The following ROR1 variants were observed in gnomAD, a reference collection of about 807,000 sequenced individuals.
ROR1 encodes inactive tyrosine-protein kinase transmembrane receptor ROR1.
ROR1 carries 19 observed loss-of-function variants against 78.8 expected under a neutral mutation model. The observed-to-expected ratio is 0.24, with a 90% CI of 0.17 to 0.35. The LOEUF (loss-of-function observed/expected upper bound fraction) is 0.35, where lower values mean the gene tolerates loss of function less well. Among genes scored for constraint, ROR1 ranks in the 10% least tolerant of loss-of-function variants. ROR1 has a pLI of 1.00. For synonymous variants in ROR1, 386 were observed against 433.6 expected, an observed-to-expected ratio of 0.89 and a Z score of 1.36; for missense variants, 917 against 1,177.8, an observed-to-expected ratio of 0.78 and a Z score of 3.24.
At chr1:63,839,156 T>G (rs779400401) in intron 1 of ROR1, among the ~76,000 whole-genome samples, 4 of 152,208 alleles carry the variant, frequency 2.6e-5, no homozygotes, top group Non-Finnish European at 5.9e-5. Flanking sequence ...TTGTACCCTC[T>G]GTTTAGGGCT....
chr1:63,845,157 G>T (rs1391141731), intron 1 of ROR1, among the ~76,000 whole-genome samples: 2 of 151,958 alleles, frequency 1.3e-5, no homozygotes, highest in Non-Finnish European at 2.9e-5. Context: ...AATTAAGAAG[G>T]GCTTCTACAT....
At chr1:64,157,996 G>A (rs894133720) in intron 7 of ROR1, among the ~76,000 whole-genome samples, 1 of 152,100 alleles carries the variant, frequency 6.6e-6, no homozygotes, top group African/African-American at 2.4e-5. Context: ...TTCGTTATCA[G>A]GGCATGTCAT....
chr1:63,794,573 G>C (rs564575851), intron 1 of ROR1, among the ~76,000 whole-genome samples: 1 of 152,340 alleles, frequency 6.6e-6, no homozygotes, highest in East Asian at 1.9e-4. Context: ...CTCAGGACCT[G>C]TTATCAGAGG....
At position 64,177,469 on chromosome 1, in the gene ROR1, G is replaced by A. The variant is rs949069788; in HGVS notation, c.1428G>A (p.Met476Ile). 2 of 1,614,020 alleles carry A rather than the reference G, an allele frequency of 1.2e-6. No individual in the cohort carries two copies. The highest frequency in any genetic ancestry group is 1.7e-6 in the Non-Finnish European group (2 of 1,180,044). ...KELPLSAVRF[M>I]EELGECAFGK... ...TACCTCTTTCTGCTGTACGCTTTAT[G>A]GAAGAATTGGGTGAGTGTGCCTTTG... The change falls in exon 9 of 9, where the codon ATG becomes ATA. Residue 476 changes from methionine to isoleucine, a missense_variant. This residue lies in a region of ROR1 where 835 missense variants were observed against 1,069.8 expected (regional missense o/e 0.78). Coordinates refer to ENST00000371079, the MANE Select transcript of ROR1 (RefSeq NM_005012.4).
chr1:64,016,746 T>TATATATATATATATATAG (rs1258921633), intron 2 of ROR1, among the ~76,000 whole-genome samples: 8 of 149,200 alleles, frequency 5.4e-5, no homozygotes, highest in South Asian at 4.2e-4. Flanking sequence ...TATATATATA[T>TATATATATATATATATAG]ATAAAGATTT....
intron 1 of ROR1, among the ~76,000 whole-genome samples, chr1:63,798,532 G>T (rs1319103573): frequency 6.6e-6 from 1 of 152,074 alleles, no homozygotes; most frequent in Non-Finnish European, 1.5e-5. Context: ...ATAGAGAGGA[G>T]GTAAGCAGGG....
At position 63,987,698 on chromosome 1, in the gene ROR1, A is replaced by G. The variant is rs146280778; in HGVS notation, c.92-21607A>G. Among the ~76,000 whole-genome samples, 177 of 152,318 alleles carry G rather than the reference A, an allele frequency of 1.2e-3. 1 individual carries two copies. The highest frequency in any genetic ancestry group is 2.1e-3 in the South Asian group (10 of 4,830). ...TCTCTTTGCATTATCAATGTTCCTC[A>G]GTCGCCACTTGGCTGGAGCAACTAC... On this transcript the variant is annotated intron_variant, in intron 1 of 8. Coordinates refer to ENST00000371079, the MANE Select transcript of ROR1 (RefSeq NM_005012.4).
intron 1 of ROR1, among the ~76,000 whole-genome samples, chr1:63,939,692 A>G (rs1408241225): frequency 6.6e-6 from 1 of 152,218 alleles, no homozygotes; most frequent in African/African-American, 2.4e-5. Context: ...ATGCAAAATT[A>G]GGGATGAAAA....
At chr1:64,084,821 G>A (rs971442559) in intron 4 of ROR1, among the ~76,000 whole-genome samples, 53 of 152,308 alleles carry the variant, frequency 3.5e-4, no homozygotes, top group African/African-American at 1.2e-3. Flanking sequence ...GAAGGTCAAC[G>A]CGACAGGCCA....
At chr1:63,864,796 C>T (rs1487987094) in intron 1 of ROR1, among the ~76,000 whole-genome samples, 3 of 138,062 alleles carry the variant, frequency 2.2e-5, no homozygotes, top group Admixed American at 7.2e-5. Flanking sequence ...ATCTTTCAAT[C>T]TTTTTTTTTT....
At chr1:63,849,048 T>C (rs1160096936) in intron 1 of ROR1, among the ~76,000 whole-genome samples, 4 of 152,132 alleles carry the variant, frequency 2.6e-5, no homozygotes, top group African/African-American at 9.7e-5. Flanking sequence ...GTGACAAGAA[T>C]GGGATGAGTG....
At chr1:64,040,309 C>A (rs1646736179) in intron 2 of ROR1, among the ~76,000 whole-genome samples, 1 of 152,132 alleles carries the variant, frequency 6.6e-6, no homozygotes, top group African/African-American at 2.4e-5. Flanking sequence ...AGTTAAAAGA[C>A]TTTGGTCATA....
chr1:64,093,428 AT>A (rs1398128376), intron 4 of ROR1, among the ~76,000 whole-genome samples: 1 of 152,142 alleles, frequency 6.6e-6, no homozygotes, highest in African/African-American at 2.4e-5. Context: ...ATGCTTTTTA[AT>A]TTTTTAAACA....
chr1:64,055,124 A>G (rs1646863958), intron 4 of ROR1, among the ~76,000 whole-genome samples: 1 of 152,192 alleles, frequency 6.6e-6, no homozygotes, highest in Admixed American at 6.5e-5. Flanking sequence ...TTAGGACTTC[A>G]AGATACATAT....
intron 5 of ROR1, among the ~76,000 whole-genome samples, chr1:64,138,482 G>A (rs948071190): frequency 6.6e-6 from 1 of 151,974 alleles, no homozygotes; most frequent in African/African-American, 2.4e-5. Context: ...AAGCTATGTG[G>A]AAGCTATGTG....
At chr1:63,877,415 T>G (rs187097549) in intron 1 of ROR1, among the ~76,000 whole-genome samples, 1 of 152,312 alleles carries the variant, frequency 6.6e-6, no homozygotes, top group East Asian at 1.9e-4. Context: ...TCACCTGACG[T>G]TGTAATAATT....
chr1:64,023,599 A>C (rs537634823), intron 2 of ROR1, among the ~76,000 whole-genome samples: 1 of 152,326 alleles, frequency 6.6e-6, no homozygotes, highest in African/African-American at 2.4e-5. Context: ...TATTGTAGAA[A>C]ATCTAGAAAG....
intron 2 of ROR1, among the ~76,000 whole-genome samples, chr1:64,035,883 T>A (rs1646698497): frequency 6.6e-6 from 1 of 152,142 alleles, no homozygotes; most frequent in Non-Finnish European, 1.5e-5. Flanking sequence ...AAATTCCCCA[T>A]CCACCTCGTC....
intron 6 of ROR1, among the ~76,000 whole-genome samples, chr1:64,141,015 C>T (rs750585087): frequency 1.2e-4 from 18 of 152,046 alleles, no homozygotes; most frequent in Non-Finnish European, 2.4e-4. Context: ...TTCAGATTAG[C>T]GGTTACCAGG....
Sources: allele counts gnomAD v4.1 joint callset (sites outside exome capture counted in the v4.1 genomes callset), GRCh38; gene constraint gnomAD v4.1.1; regional missense constraint gnomAD v4.1.1; transcripts MANE v1.5; gene names NCBI Gene and HGNC (gene_info 2026-07-23, HGNC 2026-07-21).